HS3ST5: variants seen among roughly 807,000 people sequenced by gnomAD.
The protein encoded by HS3ST5 is heparan sulfate glucosamine 3-O-sulfotransferase 5.
In HS3ST5, 10 loss-of-function variants were observed where a neutral mutation model predicts 25.4. The ratio of observed to expected loss-of-function variants is 0.39; its 90% CI spans 0.24 to 0.67. HS3ST5 has a LOEUF of 0.67. Ranked by LOEUF, HS3ST5 falls within the 30% of genes least tolerant of loss-of-function variation. The pLI is 0.44. For synonymous variants in HS3ST5, 170 were observed against 162.4 expected, an observed-to-expected ratio of 1.05 and a Z score of -0.36; for missense variants, 324 against 420.7, an observed-to-expected ratio of 0.77 and a Z score of 2.01.
chr6:114,149,539 C>T (rs1294551775), intron 3 of HS3ST5, among the ~76,000 whole-genome samples: 2 of 151,996 alleles, frequency 1.3e-5, no homozygotes, highest in Non-Finnish European at 2.9e-5. Context: ...AATGAGAACA[C>T]ATAGACACAG....
chr6:114,173,610 G>A (rs1159029154), intron 2 of HS3ST5, among the ~76,000 whole-genome samples: 2 of 152,148 alleles, frequency 1.3e-5, no homozygotes, highest in East Asian at 3.9e-4. Flanking sequence ...TGTAATCCCA[G>A]CACTTTGGGA....
chr6:114,250,855 T>C (rs1282594433), intron 1 of HS3ST5, among the ~76,000 whole-genome samples: 2 of 152,226 alleles, frequency 1.3e-5, no homozygotes, highest in East Asian at 1.9e-4. Flanking sequence ...TATTAAAAAA[T>C]TTCACTTGCT....
intron 3 of HS3ST5, among the ~76,000 whole-genome samples, chr6:114,134,533 G>A (rs1777498605): frequency 6.6e-6 from 1 of 152,222 alleles, no homozygotes; most frequent in South Asian, 2.1e-4. Flanking sequence ...GACCTGCAGT[G>A]AGAAGAAGGC....
intron 1 of HS3ST5, among the ~76,000 whole-genome samples, chr6:114,239,672 G>C (rs1049694531): frequency 4.6e-5 from 7 of 152,060 alleles, no homozygotes; most frequent in South Asian, 2.1e-4. Context: ...CCTCCATCTG[G>C]TCTATGAGAC....
At chr6:114,221,828 T>C (rs1211951724) in intron 2 of HS3ST5, among the ~76,000 whole-genome samples, 1 of 151,834 alleles carries the variant, frequency 6.6e-6, no homozygotes. Context: ...CTGACAAGAA[T>C]TACAGTTATA....
At chr6:114,114,301 C>A (rs1053350272) in intron 3 of HS3ST5, among the ~76,000 whole-genome samples, 1 of 152,124 alleles carries the variant, frequency 6.6e-6, no homozygotes, top group African/African-American at 2.4e-5. Context: ...TAGCAATGCA[C>A]TCACCTTCTA....
intron 1 of HS3ST5, among the ~76,000 whole-genome samples, chr6:114,274,505 A>C (rs1340512053): frequency 1.3e-5 from 2 of 152,054 alleles, no homozygotes; most frequent in East Asian, 1.9e-4. Flanking sequence ...ATAAGGAAGA[A>C]ACTAATTTGA....
At chr6:114,256,400 CA>C (rs769551664) in intron 1 of HS3ST5, among the ~76,000 whole-genome samples, 4 of 146,868 alleles carry the variant, frequency 2.7e-5, no homozygotes, top group Admixed American at 6.8e-5. Flanking sequence ...AAAAAAAAAA[CA>C]AAAAAAAACA....
chr6:114,163,181 C>G (rs532851437), intron 3 of HS3ST5, among the ~76,000 whole-genome samples: 1 of 152,110 alleles, frequency 6.6e-6, no homozygotes, highest in South Asian at 2.1e-4. Context: ...TTAATAAATT[C>G]TCTTTCGTTT....
intron 1 of HS3ST5, among the ~76,000 whole-genome samples, chr6:114,308,155 T>C (rs1381809806): frequency 6.6e-6 from 1 of 152,210 alleles, no homozygotes; most frequent in Non-Finnish European, 1.5e-5. Context: ...TGAACATCTA[T>C]ATACTAGTAA....
chr6:114,137,836 GTTGGTGGCACTGATGACTAA>G (rs752679451), intron 3 of HS3ST5, among the ~76,000 whole-genome samples: 2 of 152,226 alleles, frequency 1.3e-5, no homozygotes, highest in Non-Finnish European at 2.9e-5. Context: ...GCTGTGCCTT[GTTGGTGGCACTGATGACTAA>G]TTGGTGGCAC....
chr6:114,164,541 C>G (rs1299407771), intron 3 of HS3ST5, among the ~76,000 whole-genome samples: 1 of 152,122 alleles, frequency 6.6e-6, no homozygotes, highest in Non-Finnish European at 1.5e-5. Context: ...CAGAGGCCTC[C>G]TCTAGGCAGG....
At chr6:114,183,003 T>C (rs1203873686) in intron 2 of HS3ST5, among the ~76,000 whole-genome samples, 1 of 152,116 alleles carries the variant, frequency 6.6e-6, no homozygotes, top group Admixed American at 6.5e-5. Context: ...GTTCATCTTC[T>C]ACCCTTGGAC....
intron 1 of HS3ST5, among the ~76,000 whole-genome samples, chr6:114,267,172 T>C (rs1489459593): frequency 1.3e-5 from 2 of 152,218 alleles, no homozygotes; most frequent in Non-Finnish European, 2.9e-5. Flanking sequence ...GCTAATTTAA[T>C]AATGATAAGA....
chr6:114,208,410 T>TA (rs1406935081), intron 2 of HS3ST5, among the ~76,000 whole-genome samples: 3 of 152,218 alleles, frequency 2.0e-5, no homozygotes, highest in Non-Finnish European at 4.4e-5. Flanking sequence ...GCACTGGTCA[T>TA]TCACCCAGAC....
intron 1 of HS3ST5, among the ~76,000 whole-genome samples, chr6:114,316,432 G>A (rs1775751374): frequency 6.6e-6 from 1 of 152,186 alleles, no homozygotes; most frequent in African/African-American, 2.4e-5. Flanking sequence ...TCAATGTAAT[G>A]TGTGCCTGGA....
In HS3ST5 at chr6:114,256,181, C is replaced by G. The variant is rs578191097; in HGVS notation, c.-338-27403G>C. ...AGGTGGGCAGATCACAAGGTCAGGA[C>G]ATCAAGACCATCTTGGCTAACACAG... On this transcript the variant is annotated intron_variant, in intron 1 of 4. Coordinates refer to ENST00000312719, the MANE Select transcript of HS3ST5 (RefSeq NM_153612.4). Among the ~76,000 whole-genome samples, 14 of 152,120 alleles carry G rather than the reference C, an allele frequency of 9.2e-5. No individual in the cohort carries two copies. The East Asian group carries it at 9.7e-4, about 11-fold the overall frequency.
At chr6:114,169,985 C>G (rs1779400515) in intron 2 of HS3ST5, among the ~76,000 whole-genome samples, 1 of 152,030 alleles carries the variant, frequency 6.6e-6, no homozygotes, top group Admixed American at 6.6e-5. Flanking sequence ...AGGAAAGCAA[C>G]AGATAAGGGA....
At chr6:114,126,461 T>G (rs2114892813) in intron 3 of HS3ST5, among the ~76,000 whole-genome samples, 1 of 152,282 alleles carries the variant, frequency 6.6e-6, no homozygotes, top group African/African-American at 2.4e-5. Context: ...AGATTTGAGA[T>G]TAAGAAACAG....
Sources: allele counts gnomAD v4.1 joint callset (sites outside exome capture counted in the v4.1 genomes callset), GRCh38; gene constraint gnomAD v4.1.1; transcripts MANE v1.5; gene names NCBI Gene and HGNC (gene_info 2026-07-23, HGNC 2026-07-21).